The following CAB39 variants were observed in gnomAD, a reference collection of about 807,000 sequenced individuals.
The protein encoded by CAB39 is calcium binding protein 39, also known as calcium-binding protein 39.
Under a neutral mutation model 40.0 loss-of-function variants are expected in CAB39, and 8 were observed. The ratio of observed to expected loss-of-function variants is 0.20; its 90% CI spans 0.12 to 0.36. CAB39 has a LOEUF of 0.36. Among genes scored for constraint, CAB39 ranks in the 10% least tolerant of loss-of-function variants. The pLI is 1.00. For missense variants in CAB39, 270 were observed against 401.1 expected, an observed-to-expected ratio of 0.67 and a Z score of 2.79; for synonymous variants, 156 against 141.6, an observed-to-expected ratio of 1.10 and a Z score of -0.72.
At chr2:230,773,310 A>ATGTGTG (rs772464376) in intron 2 of CAB39, among the ~76,000 whole-genome samples, 63 of 84,496 alleles carry the variant, frequency 7.5e-4, no homozygotes, top group Middle Eastern at 6.2e-3. Context: ...ATATATATAT[A>ATGTGTG]TATATGTGTG....
intron 2 of CAB39, among the ~76,000 whole-genome samples, chr2:230,786,280 C>T (rs1202712632): frequency 6.7e-6 from 1 of 149,214 alleles, no homozygotes; most frequent in Non-Finnish European, 1.5e-5. Flanking sequence ...GCTAGGATCA[C>T]AGGCGTGAGC....
chr2:230,809,334 A>G (rs1480506226), intron 5 of CAB39, among the ~76,000 whole-genome samples: 1 of 152,214 alleles, frequency 6.6e-6, no homozygotes, highest in Non-Finnish European at 1.5e-5. Flanking sequence ...GGCAACCTTC[A>G]AACATAAACA....
chr2:230,789,074 TC>T lies in CAB39; in HGVS notation c.115-1792del, dbSNP rs1559611538. On this transcript the variant is annotated intron_variant, in intron 2 of 8. Transcript: ENST00000258418. The stretch of plus-strand genomic sequence containing the variant: ...AGCTCACTAATGAGATGTCCCTTTT[TC>T]CCCCCTAAGTTTCATTTTAGATAGT... Among the ~76,000 whole-genome samples the T allele has an allele frequency of 2.0e-5, 3 of 152,296 alleles. No individual in the cohort carries two copies. The East Asian group carries it at 5.8e-4, about 29-fold the overall frequency.
At chr2:230,749,781 G>A (rs1170109469) in intron 1 of CAB39, among the ~76,000 whole-genome samples, 2 of 152,138 alleles carry the variant, frequency 1.3e-5, no homozygotes, top group African/African-American at 4.8e-5. Flanking sequence ...GTAAATCTTA[G>A]AGAAGCAATA....
chr2:230,764,386 A>G (rs1695346415), intron 2 of CAB39, among the ~76,000 whole-genome samples: 2 of 152,208 alleles, frequency 1.3e-5, no homozygotes, highest in African/African-American at 4.8e-5. Context: ...AGCCATGCTA[A>G]GCTGTGATGT....
chr2:230,729,282 C>A (rs1694643734), intron 1 of CAB39, among the ~76,000 whole-genome samples: 1 of 152,110 alleles, frequency 6.6e-6, no homozygotes, highest in Non-Finnish European at 1.5e-5. Context: ...CACTTGAAAT[C>A]AGAAAACAAA....
intron 8 of CAB39, 108 bp downstream of exon 8, chr2:230,818,005 A>G: frequency 1.0e-6 from 1 of 991,248 alleles, no homozygotes; most frequent in East Asian, 2.6e-5. Flanking sequence ...AGGTGACTTA[A>G]TTAAATTCAG....
intron 2 of CAB39, among the ~76,000 whole-genome samples, chr2:230,788,301 A>T (rs192799850): frequency 1.0e-3 from 155 of 149,650 alleles, no homozygotes; most frequent in African/African-American, 3.6e-3. Flanking sequence ...CCTTTAACTT[A>T]CTATAGTCTA....
intron 1 of CAB39, among the ~76,000 whole-genome samples, chr2:230,743,653 T>C (rs1215050646): frequency 6.6e-6 from 1 of 152,182 alleles, no homozygotes; most frequent in Admixed American, 6.5e-5. Flanking sequence ...TATTCAGTCA[T>C]AACTAGAAGA....
chr2:230,760,174 T>C, intron 2 of CAB39, 59 bp downstream of exon 2: 1 of 1,012,502 alleles, frequency 9.9e-7, no homozygotes, highest in East Asian at 2.5e-5. Context: ...CAAGACACCT[T>C]ATATGAGGAA....
chr2:230,721,416 G>A lies in CAB39; in HGVS notation c.-44+8186G>A, dbSNP rs995763009. Among the ~76,000 whole-genome samples, 5 of 152,260 alleles carry A rather than the reference G, an allele frequency of 3.3e-5. No homozygotes were observed. The South Asian group carries it at 1.0e-3, about 32-fold the overall frequency. Reference sequence around the variant, plus strand: ...ACTGCGCTCCAGCCTGGGCAACAGAGGGAAACTCCATCTCAAAAGAAAAAA... The same window carrying A: ...ACTGCGCTCCAGCCTGGGCAACAGAAGGAAACTCCATCTCAAAAGAAAAAA... On this transcript the variant is annotated intron_variant, in intron 1 of 8. Transcript: ENST00000258418.
chr2:230,778,781 G>A (rs537028760), intron 2 of CAB39, among the ~76,000 whole-genome samples: 2 of 152,292 alleles, frequency 1.3e-5, no homozygotes, highest in African/African-American at 4.8e-5. Flanking sequence ...CTTCCAGCCT[G>A]TTGCTCCTAG....
chr2:230,728,931 G>A (rs1694635062), intron 1 of CAB39, among the ~76,000 whole-genome samples: 1 of 152,130 alleles, frequency 6.6e-6, no homozygotes, highest in South Asian at 2.1e-4. Flanking sequence ...ACATACAGAA[G>A]CCAAGAACAT....
chr2:230,727,863 T>C (rs1694614589), intron 1 of CAB39, among the ~76,000 whole-genome samples: 1 of 152,224 alleles, frequency 6.6e-6, no homozygotes, highest in Non-Finnish European at 1.5e-5. Flanking sequence ...ATAAATTATA[T>C]GTTCTCTTTA....
At chr2:230,802,656 A>G (rs1201471312) in intron 5 of CAB39, among the ~76,000 whole-genome samples, 1 of 152,262 alleles carries the variant, frequency 6.6e-6, no homozygotes, top group African/African-American at 2.4e-5. Context: ...TAGAAAATCT[A>G]GAAGAAATGG....
At chr2:230,738,218 G>A (rs777389671) in intron 1 of CAB39, among the ~76,000 whole-genome samples, 27 of 152,252 alleles carry the variant, frequency 1.8e-4, no homozygotes, top group Middle Eastern at 6.8e-3. Context: ...CTGTATTTGT[G>A]CCTTTCTCCC....
chr2:230,716,259 T>A (rs1440967102), intron 1 of CAB39, among the ~76,000 whole-genome samples: 7 of 152,250 alleles, frequency 4.6e-5, no homozygotes, highest in Non-Finnish European at 1.5e-5. Context: ...AATGTTTGTA[T>A]ATTGCAAATA....
intron 5 of CAB39, 97 bp downstream of exon 5, chr2:230,798,994 C>G: frequency 2.4e-6 from 2 of 838,822 alleles, no homozygotes; most frequent in Non-Finnish European, 3.6e-6. Context: ...CGTGGCTGCC[C>G]TCTAGTGGGA....
chr2:230,784,789 C>G (rs185880744), intron 2 of CAB39, among the ~76,000 whole-genome samples: 1 of 152,174 alleles, frequency 6.6e-6, no homozygotes, highest in Non-Finnish European at 1.5e-5. Flanking sequence ...GCTTTACTTT[C>G]TGCAGAAAGG....
Sources: allele counts gnomAD v4.1 joint callset (sites outside exome capture counted in the v4.1 genomes callset), GRCh38; gene constraint gnomAD v4.1.1; transcripts MANE v1.5; gene names NCBI Gene and HGNC (gene_info 2026-07-23, HGNC 2026-07-21).